TMEM131L: variants seen among roughly 807,000 people sequenced by gnomAD.
TMEM131L encodes transmembrane protein 131-like.
A neutral mutation model predicts 192.2 loss-of-function variants in TMEM131L; 54 were observed. The observed-to-expected ratio is 0.28, with a 90% confidence interval of 0.23 to 0.35. The LOEUF is 0.35. Ranked by LOEUF, TMEM131L falls within the 10% of genes least tolerant of loss-of-function variation. The probability of loss-of-function intolerance (pLI) is 1.00; values close to 1 mark genes in which losing one functional copy is unlikely to be tolerated. For synonymous variants in TMEM131L, 701 were observed against 704.9 expected, an observed-to-expected ratio of 0.99 and a Z score of 0.09; for missense variants, 1,888 against 1,972.9, an observed-to-expected ratio of 0.96 and a Z score of 0.82.
intron 3 of TMEM131L, among the ~76,000 whole-genome samples, chr4:153,546,258 G>A (rs949338255): frequency 1.3e-5 from 2 of 150,986 alleles, no homozygotes; most frequent in African/African-American, 4.9e-5. Flanking sequence ...GAGAAGGGGT[G>A]AAAATTAGAA....
chr4:153,534,094 C>A (rs898476084), intron 3 of TMEM131L, among the ~76,000 whole-genome samples: 1 of 152,076 alleles, frequency 6.6e-6, no homozygotes, highest in Non-Finnish European at 1.5e-5. Flanking sequence ...TATTATGAGG[C>A]CTGAATTGTG....
chr4:153,568,580 C>A (rs1297286481), intron 7 of TMEM131L, among the ~76,000 whole-genome samples: 1 of 150,926 alleles, frequency 6.6e-6, no homozygotes. Flanking sequence ...GAATTATGCC[C>A]TAATCTTTGT....
At chr4:153,627,769 A>G in intron 31 of TMEM131L, 82 bp downstream of exon 31, 1 of 1,213,842 alleles carries the variant, frequency 8.2e-7, no homozygotes, top group Non-Finnish European at 1.2e-6. Context: ...TTGAGAAGAC[A>G]GAGCAGGCGG....
chr4:153,546,051 A>G (rs1039460181), intron 3 of TMEM131L, among the ~76,000 whole-genome samples: 1 of 151,610 alleles, frequency 6.6e-6, no homozygotes, highest in Non-Finnish European at 1.5e-5. Flanking sequence ...CTCGGATAAT[A>G]TATATGTTAT....
intron 17 of TMEM131L, among the ~76,000 whole-genome samples, chr4:153,591,655 C>T (rs149902341): frequency 2.7e-4 from 41 of 152,268 alleles, no homozygotes; most frequent in Admixed American, 6.5e-4. Flanking sequence ...AAGGACGTGC[C>T]TCCAGCAGAC....
Position 153,582,467 on chromosome 4 carries a change from C to T in TMEM131L, c.893-723C>T, listed in dbSNP as rs1459600589. Among the ~76,000 whole-genome samples the T allele has an allele frequency of 3.9e-5, 4 of 102,400 alleles. No individual in the cohort carries two copies. In the East Asian group the frequency reaches 1.4e-3, roughly 36 times the overall value. 67.2% of individuals were successfully genotyped at this position (102,400 alleles called of 152,430 possible). A position where few individuals can be genotyped will look rare whatever the true frequency, so the allele number is the denominator to read the frequency against. ...TTTTTTTTTTTTTTTTTTGTAGAGA[C>T]AGGTTCTCCCTGTGTTGCTCAGGAT... On this transcript the variant is annotated intron_variant, in intron 9 of 34. Transcript: ENST00000409959.
intron 3 of TMEM131L, among the ~76,000 whole-genome samples, chr4:153,493,336 ACT>A (rs1732927018): frequency 1.0e-5 from 1 of 100,270 alleles, no homozygotes; most frequent in Non-Finnish European, 1.9e-5. Context: ...ACAGAGTGAG[ACT>A]CTGTCTCAAA....
In TMEM131L at chr4:153,583,615, G is replaced by GTGAACTTCTTCT. The variant is rs1464482042; in HGVS notation, c.1004_1005insGAACTTCTTCTT (p.Val335_Leu336insAsnPhePheLeu). 3 of 1,611,880 alleles carry GTGAACTTCTTCT rather than the reference G, an allele frequency of 1.9e-6. No individual in the cohort carries two copies. The highest frequency in any genetic ancestry group is 2.5e-6 in the Non-Finnish European group (3 of 1,179,346). ...TGCTCTGTCTCTGCAGTTTGAACCAGTACTACTACCTACTTCTACAACAAA... is the reference window on the plus strand; with the variant it reads ...TGCTCTGTCTCTGCAGTTTGAACCAGTGAACTTCTTCTTACTACTACCTACTTCTACAACAAA... On this transcript the variant is annotated inframe_insertion, in exon 11 of 35. Coordinates refer to ENST00000409959, the MANE Select transcript of TMEM131L (RefSeq NM_001131007.2).
intron 25 of TMEM131L, among the ~76,000 whole-genome samples, chr4:153,608,156 T>A (rs1732368886): frequency 6.6e-6 from 1 of 151,664 alleles, no homozygotes; most frequent in Admixed American, 6.6e-5. Flanking sequence ...AAAAAAAAAA[T>A]GTGTCCCTTT....
intron 3 of TMEM131L, among the ~76,000 whole-genome samples, chr4:153,493,345 C>CAAAAAAAAAAAAAAAAAAAA (rs35052272): frequency 8.2e-5 from 6 of 72,864 alleles, no homozygotes; most frequent in African/African-American, 4.0e-4. Flanking sequence ...GACTCTGTCT[C>CAAAAAAAAAAAAAAAAAAAA]AAAAAAAAAA....
At chr4:153,468,749 C>T (rs1318564346) in intron 2 of TMEM131L, among the ~76,000 whole-genome samples, 1 of 152,016 alleles carries the variant, frequency 6.6e-6, no homozygotes, top group Non-Finnish European at 1.5e-5. Flanking sequence ...CCCTCTCCCC[C>T]ACCCCCTCCT....
intron 3 of TMEM131L, among the ~76,000 whole-genome samples, chr4:153,487,742 C>A (rs1454163990): frequency 1.4e-5 from 2 of 145,720 alleles, no homozygotes; most frequent in Admixed American, 1.4e-4. Flanking sequence ...GAGAGAGACA[C>A]CCTCGTGGGC....
chr4:153,483,550 A>G (rs1406682972), intron 3 of TMEM131L, among the ~76,000 whole-genome samples: 2 of 152,108 alleles, frequency 1.3e-5, no homozygotes, highest in African/African-American at 4.8e-5. Flanking sequence ...AAAACAAAAA[A>G]AAAGTGGGGC....
intron 31 of TMEM131L, among the ~76,000 whole-genome samples, chr4:153,630,786 C>T (rs1247495946): frequency 6.6e-6 from 1 of 151,792 alleles, no homozygotes; most frequent in East Asian, 1.9e-4. Flanking sequence ...GGCAATGATG[C>T]ACCCAGGCAA....
Position 153,636,507 on chromosome 4 carries a change from G to A in TMEM131L, c.4764G>A (p.Trp1588Ter), listed in dbSNP as rs770869119. 9 of 1,614,074 alleles carry A rather than the reference G, an allele frequency of 5.6e-6. No homozygotes were observed. The highest frequency in any genetic ancestry group is 7.6e-6 in the Non-Finnish European group (9 of 1,180,034). ...GCGCCTATATGAACCTGGACATATG[G>A]ACTACCACAGCGAATAGGAATGCAA... ...PFRAYMNLDIWTTTANRNANF... is the reference protein window; with the variant it reads ...PFRAYMNLDI Residue 1588 changes from tryptophan (W) to a stop codon, truncating the protein, a stop_gained, in exon 35 of 35, where the codon TGG (tryptophan) becomes TGA (stop). Coordinates refer to ENST00000409959, the MANE Select transcript of TMEM131L (RefSeq NM_001131007.2). LOFTEE classifies it high-confidence loss of function.
chr4:153,575,885 C>T (rs1243284471), intron 7 of TMEM131L, among the ~76,000 whole-genome samples: 1 of 152,034 alleles, frequency 6.6e-6, no homozygotes, highest in Non-Finnish European at 1.5e-5. Flanking sequence ...AACTTGTAAC[C>T]CTAGTATGTG....
In TMEM131L at chr4:153,593,882, A is replaced by G. The variant is rs145906069; in HGVS notation, c.1995+11A>G. ...GCTTGCCCTTACCTGGTAGGATGTT[A>G]TCCTAAAACAGAAAAAAGAATGCCG... On this transcript the variant is annotated intron_variant, in intron 19 of 34. Coordinates refer to ENST00000409959, the MANE Select transcript of TMEM131L (RefSeq NM_001131007.2). 3.6e-4 allele frequency: 577 copies of G among 1,590,982 alleles called. 3 individuals are homozygous for G. The African/African-American group carries it at 6.4e-3, about 18-fold the overall frequency.
At chr4:153,625,177 C>T (rs1733745871) in intron 29 of TMEM131L, among the ~76,000 whole-genome samples, 1 of 152,056 alleles carries the variant, frequency 6.6e-6, no homozygotes, top group Non-Finnish European at 1.5e-5. Flanking sequence ...TTTGGGAGGC[C>T]GAAGCAGACA....
rs1183823082 is a variant in TMEM131L at position 153,526,606 on chromosome 4, C to G, written c.240-23467C>G. On this transcript the variant is annotated intron_variant, in intron 3 of 34. Coordinates refer to ENST00000409959, the MANE Select transcript of TMEM131L (RefSeq NM_001131007.2). ...AAAAAAAATTAGCCGGGCGTGGTGG[C>G]GGGCACCTGTAGTCCCAGCTACTCA... is the stretch of plus-strand genomic sequence containing the variant. Among the ~76,000 whole-genome samples, 8 of 151,950 alleles carry G rather than the reference C, an allele frequency of 5.3e-5. No individual in the cohort carries two copies. In the East Asian group the frequency reaches 1.5e-3, roughly 29 times the overall value.
Sources: gnomAD v4.1 joint callset for allele counts (sites outside exome capture counted in the v4.1 genomes callset) on GRCh38, gnomAD v4.1.1 for gene constraint, MANE v1.5 for transcripts, NCBI Gene and HGNC (gene_info 2026-07-23, HGNC 2026-07-21) for gene names.